KLHL13: variants seen among roughly 807,000 people sequenced by gnomAD.
The protein encoded by KLHL13 is kelch like family member 13.
A neutral mutation model predicts 37.1 loss-of-function variants in KLHL13; 10 were observed. That is an observed-to-expected ratio of 0.27 (90% CI 0.17 to 0.46). The LOEUF (loss-of-function observed/expected upper bound fraction) is 0.46, where lower values mean the gene tolerates loss of function less well. Ranked by LOEUF, KLHL13 falls within the 20% of genes least tolerant of loss-of-function variation. KLHL13 has a pLI of 1.00. For missense variants in KLHL13, 360 were observed against 509.3 expected (o/e 0.71, Z 2.82); for synonymous variants, 163 against 181.2 (o/e 0.90, Z 0.81).
rs771916942 is a variant in KLHL13 at position 117,920,389 on chromosome X, T to A, written c.241-19A>T. On this transcript the variant is annotated intron_variant, in intron 2 of 6. Transcript: ENST00000262820. ...CAAAGCCCTACAACAAGAACATGAGTTGAGTCACTAATCAAGGTAAAATGA... is the reference window on the plus strand; with the variant it reads ...CAAAGCCCTACAACAAGAACATGAGATGAGTCACTAATCAAGGTAAAATGA... The A allele has an allele frequency of 3.3e-6, 4 of 1,195,655 alleles. No individual in the cohort carries two copies. In the South Asian group the frequency reaches 5.5e-5, roughly 17 times the overall value.
At chrX:117,917,248 A>T (rs1931425775) in intron 4 of KLHL13, among the ~76,000 whole-genome samples, 1 of 111,681 alleles carries the variant, frequency 9.0e-6, no homozygotes, top group Non-Finnish European at 1.9e-5. Flanking sequence ...AGGATGAAGG[A>T]CAAGTAAGGT....
intron 1 of KLHL13, among the ~76,000 whole-genome samples, chrX:118,100,760 A>C (rs1211608265): frequency 9.0e-6 from 1 of 111,493 alleles, no homozygotes. Flanking sequence ...AGAGATCTCA[A>C]AATTCTCCCG....
intron 4 of KLHL13, among the ~76,000 whole-genome samples, chrX:117,916,534 T>TCA (rs1931373396): frequency 8.9e-6 from 1 of 112,490 alleles, no homozygotes; most frequent in African/African-American, 3.2e-5. Context: ...GATGCTCTGT[T>TCA]ATAGAAAACT....
rs142674895 is a variant in KLHL13 at position 117,941,749 on chromosome X, G to A, written c.240+3685C>T. Among the ~76,000 whole-genome samples, 15 of 110,796 alleles carry A rather than the reference G, an allele frequency of 1.4e-4. No homozygotes were observed. The East Asian group carries it at 2.8e-3, about 21-fold the overall frequency. Reference sequence around the variant, plus strand: ...TTTTTTCTTCATTAATCTGGCTAGCGGTCTATCTATTTTGTTGATCTTTTC... The same window carrying A: ...TTTTTTCTTCATTAATCTGGCTAGCAGTCTATCTATTTTGTTGATCTTTTC... On this transcript the variant is annotated intron_variant, in intron 2 of 6. Transcript: ENST00000262820.
intron 1 of KLHL13, among the ~76,000 whole-genome samples, chrX:118,005,486 G>C (rs2053971714): frequency 9.0e-6 from 1 of 111,467 alleles, no homozygotes; most frequent in African/African-American, 3.3e-5. Flanking sequence ...GCCTAACATA[G>C]CAAGAGATGA....
At chrX:117,993,385 C>T (rs1394977156) in intron 1 of KLHL13, among the ~76,000 whole-genome samples, 1 of 112,077 alleles carries the variant, frequency 8.9e-6, no homozygotes, top group Non-Finnish European at 1.9e-5. Flanking sequence ...TTACCATGTG[C>T]CAAGCAGTGT....
In KLHL13 at chrX:117,907,050, C is replaced by G. The variant is rs548710081; in HGVS notation, c.1366+2251G>C. Among the ~76,000 whole-genome samples, 10 of 110,724 alleles carry G rather than the reference C, an allele frequency of 9.0e-5. No individual in the cohort carries two copies. The South Asian group carries it at 1.5e-3, about 17-fold the overall frequency. On this transcript the variant is annotated intron_variant, in intron 5 of 6. Transcript: ENST00000262820. ...AGCCTAAATATGAATTTAGGAATAC[C>G]CTAAGAAAAGCATGATTTCCTTGTT...
chrX:117,934,130 C>A (rs1932642666), intron 2 of KLHL13, among the ~76,000 whole-genome samples: 1 of 109,988 alleles, frequency 9.1e-6, no homozygotes, highest in African/African-American at 3.3e-5. Context: ...CACTGGGATT[C>A]TAAAAGGAGG....
chrX:117,971,643 G>A (rs2053525567), intron 1 of KLHL13, among the ~76,000 whole-genome samples: 1 of 110,774 alleles, frequency 9.0e-6, no homozygotes, highest in Non-Finnish European at 1.9e-5. Context: ...CACTTTCCAG[G>A]GAATTGCTTC....
upstream of KLHL13, among the ~76,000 whole-genome samples, chrX:117,976,037 C>A (rs2053594551): frequency 9.0e-6 from 1 of 111,492 alleles, no homozygotes; most frequent in Admixed American, 9.6e-5. Context: ...ATTTTTCAGT[C>A]TAGATTCCTT....
intron 1 of KLHL13, among the ~76,000 whole-genome samples, chrX:118,024,783 T>C (rs2054257063): frequency 8.9e-6 from 1 of 111,817 alleles, no homozygotes; most frequent in Admixed American, 9.5e-5. Context: ...TATAAAATGG[T>C]ACAACTATTT....
chrX:118,029,064 T>G (rs750470073), intron 1 of KLHL13, among the ~76,000 whole-genome samples: 50 of 111,572 alleles, frequency 4.5e-4, no homozygotes, highest in Non-Finnish European at 7.5e-4. Context: ...TCTCCACGTT[T>G]TCAGGCATCC....
intron 1 of KLHL13, among the ~76,000 whole-genome samples, chrX:118,086,883 T>C (rs2055060163): frequency 9.0e-6 from 1 of 111,551 alleles, no homozygotes; most frequent in African/African-American, 3.3e-5. Flanking sequence ...ATGAGGCATG[T>C]ATTAAAATGT....
intron 1 of KLHL13, among the ~76,000 whole-genome samples, chrX:118,115,619 T>A (rs1311247542): frequency 8.9e-6 from 1 of 112,479 alleles, no homozygotes; most frequent in Non-Finnish European, 1.9e-5. Flanking sequence ...TAAAGTCCTC[T>A]GACTACATTA....
At chrX:117,901,032 T>G (rs554813091) in intron 6 of KLHL13, among the ~76,000 whole-genome samples, 1 of 111,888 alleles carries the variant, frequency 8.9e-6, no homozygotes, top group Admixed American at 9.5e-5. Context: ...CAGAAAAATA[T>G]ATCTTCATGT....
chrX:117,919,086 T>C (rs149586542), intron 4 of KLHL13, among the ~76,000 whole-genome samples: 11,404 of 110,473 alleles, frequency 0.1, 603 homozygotes, highest in African/African-American at 0.2. Context: ...TGCAATGGCG[T>C]GATCTCAGTT....
chrX:117,992,202 T>C (rs1364595070), intron 1 of KLHL13, among the ~76,000 whole-genome samples: 1 of 99,744 alleles, frequency 1.0e-5, no homozygotes, highest in Non-Finnish European at 2.0e-5. Flanking sequence ...CCTTGAGGGA[T>C]AGAGAAACTT....
chrX:117,983,238 G>A lies in KLHL13; in HGVS notation c.-55-37663C>T, dbSNP rs186449716. On this transcript the variant is annotated intron_variant, in intron 1 of 6. Transcript: ENST00000371882. ...TCCTTGCCCGTCTCACAGTGTTGTC[G>A]TGAAAACCAAAGTAATTTATGTTTG... Among the ~76,000 whole-genome samples, 177 of 110,936 alleles carry A rather than the reference G, an allele frequency of 1.6e-3. 2 individuals are homozygous for A. Among genetic ancestry groups the A allele is most frequent in the African/African-American group, 5.4e-3 (165 of 30,606 alleles).
chrX:118,069,689 T>A (rs1359276130), intron 1 of KLHL13, among the ~76,000 whole-genome samples: 4 of 111,662 alleles, frequency 3.6e-5, no homozygotes, highest in Non-Finnish European at 7.5e-5. Flanking sequence ...CTAAGTGTTA[T>A]TACAAAAGAG....
Sources: gnomAD v4.1 joint callset for allele counts (sites outside exome capture counted in the v4.1 genomes callset) on GRCh38, gnomAD v4.1.1 for gene constraint, MANE v1.5 for transcripts, NCBI Gene and HGNC (gene_info 2026-07-23, HGNC 2026-07-21) for gene names.